The following GNAQ variants were observed in gnomAD, a reference collection of about 807,000 sequenced individuals.
GNAQ encodes the protein G protein subunit alpha q.
Under a neutral mutation model 43.9 loss-of-function variants are expected in GNAQ, and 8 were observed. The ratio of observed to expected loss-of-function variants is 0.18; its 90% confidence interval spans 0.11 to 0.33. GNAQ has a LOEUF of 0.33. GNAQ is among the 10% of genes least tolerant of loss of function. GNAQ has a pLI of 1.00. For synonymous variants in GNAQ, 155 were observed against 170.7 expected (o/e 0.91, Z 0.71); for missense variants, 158 against 450.8 (o/e 0.35, Z 5.88).
chr9:77,739,524 ATAAGAT>A (rs1348343325), intron 5 of GNAQ, among the ~76,000 whole-genome samples: 1 of 152,232 alleles, frequency 6.6e-6, no homozygotes, highest in Non-Finnish European at 1.5e-5. Flanking sequence ...AATGTTTGAA[ATAAGAT>A]TAAAACAGCT....
At chr9:78,004,361 T>A (rs1045089532) in intron 1 of GNAQ, among the ~76,000 whole-genome samples, 20 of 151,740 alleles carry the variant, frequency 1.3e-4, no homozygotes, top group African/African-American at 4.8e-4. Flanking sequence ...ATCACCATTC[T>A]CCGAAGTGGG....
At chr9:77,801,653 C>T (rs1826744261) in intron 3 of GNAQ, among the ~76,000 whole-genome samples, 1 of 152,138 alleles carries the variant, frequency 6.6e-6, no homozygotes, top group South Asian at 2.1e-4. Flanking sequence ...TAACAAAAGA[C>T]AAGACTAAGA....
chr9:77,784,992 G>A (rs1395378925), intron 5 of GNAQ, among the ~76,000 whole-genome samples: 1 of 152,198 alleles, frequency 6.6e-6, no homozygotes. Context: ...TGGTGGGAGT[G>A]CCAACTCTTC....
At chr9:77,727,244 C>T (rs1825411226) in intron 6 of GNAQ, among the ~76,000 whole-genome samples, 1 of 152,130 alleles carries the variant, frequency 6.6e-6, no homozygotes, top group Non-Finnish European at 1.5e-5. Flanking sequence ...GCTTGAACTC[C>T]TGTGCTCAAG....
chr9:77,732,675 T>TAA (rs1409093161), intron 5 of GNAQ, among the ~76,000 whole-genome samples: 1 of 152,090 alleles, frequency 6.6e-6, no homozygotes, highest in African/African-American at 2.4e-5. Context: ...AGGATACTAG[T>TAA]AAAGGTTTTA....
intron 2 of GNAQ, among the ~76,000 whole-genome samples, chr9:77,824,396 T>C (rs1827160714): frequency 6.6e-6 from 1 of 152,200 alleles, no homozygotes; most frequent in South Asian, 2.1e-4. Context: ...ATATCTCAGT[T>C]CAAATATTTT....
At position 78,031,318 on chromosome 9, in the gene GNAQ, G is replaced by C. The variant is rs1824056901; in HGVS notation, c.-83C>G. ...CACACCCTCCCGCCCTCGCTCCCCC[G>C]AGGCAGCGGTGGCCGCCGAGCCCCC... On this transcript the variant is annotated 5_prime_UTR_variant, in exon 1 of 7. Transcript: ENST00000286548. 5.2e-6 allele frequency: 6 copies of C among 1,153,592 alleles called. No homozygotes were observed. Among genetic ancestry groups the C allele is most frequent in the African/African-American group, 1.6e-5 (1 of 62,386 alleles). 71.5% of individuals were successfully genotyped at this position (1,153,592 alleles called of 1,614,324 possible). A position where few individuals can be genotyped will look rare whatever the true frequency, so the allele number is the denominator to read the frequency against.
chr9:77,723,734 T>C (rs752864017), intron 6 of GNAQ, among the ~76,000 whole-genome samples: 1 of 152,166 alleles, frequency 6.6e-6, no homozygotes, highest in Non-Finnish European at 1.5e-5. Context: ...TTAGAATTGG[T>C]AAACTCATAA....
At chr9:77,736,711 G>C (rs1035648116) in intron 5 of GNAQ, among the ~76,000 whole-genome samples, 9 of 152,076 alleles carry the variant, frequency 5.9e-5, no homozygotes, top group African/African-American at 2.2e-4. Flanking sequence ...AAGGAAGACA[G>C]AATGAGAGAC....
At chr9:77,808,077 G>A (rs1395799418) in intron 3 of GNAQ, among the ~76,000 whole-genome samples, 2 of 151,948 alleles carry the variant, frequency 1.3e-5, no homozygotes, top group African/African-American at 4.8e-5. Context: ...CTACAAAGAA[G>A]AGGCCAAACT....
At chr9:77,994,501 C>T (rs1823545208) in intron 1 of GNAQ, among the ~76,000 whole-genome samples, 1 of 152,188 alleles carries the variant, frequency 6.6e-6, no homozygotes, top group Non-Finnish European at 1.5e-5. Flanking sequence ...TACTGGGTTA[C>T]TAGTATCTCA....
intron 1 of GNAQ, among the ~76,000 whole-genome samples, chr9:78,005,142 CACGGGCTCA>C (rs1823690047): frequency 6.6e-6 from 1 of 152,152 alleles, no homozygotes; most frequent in South Asian, 2.1e-4. Flanking sequence ...GCCCTCACCT[CACGGGCTCA>C]AGCGATCCTC....
At chr9:77,867,821 T>C (rs574300673) in intron 2 of GNAQ, among the ~76,000 whole-genome samples, 30 of 152,330 alleles carry the variant, frequency 2.0e-4, no homozygotes, top group Non-Finnish European at 3.8e-4. Context: ...AATCATAGTA[T>C]TATGGAAGAG....
intron 2 of GNAQ, among the ~76,000 whole-genome samples, chr9:77,918,591 C>A (rs1160117080): frequency 6.6e-6 from 1 of 152,146 alleles, no homozygotes; most frequent in African/African-American, 2.4e-5. Context: ...TGAAATCTTT[C>A]ATGAAACATC....
At chr9:77,810,225 T>A (rs539311348) in intron 3 of GNAQ, among the ~76,000 whole-genome samples, 55 of 145,104 alleles carry the variant, frequency 3.8e-4, no homozygotes, top group African/African-American at 1.4e-3. Flanking sequence ...TATCTATCTA[T>A]CTATCTATCT....
intron 5 of GNAQ, among the ~76,000 whole-genome samples, chr9:77,787,408 T>C (rs1038737893): frequency 2.0e-5 from 3 of 152,360 alleles, no homozygotes; most frequent in Admixed American, 1.3e-4. Context: ...CACTGCTGTA[T>C]ATTTTTTGTG....
rs1160134325 is a variant in GNAQ, at chr9:77,897,916, CACTA to C, written c.321+24241_321+24244del. Among the ~76,000 whole-genome samples the C allele has an allele frequency of 8.6e-5, 12 of 138,938 alleles. No individual in the cohort carries two copies. The South Asian group carries it at 9.8e-4, about 11-fold the overall frequency. The allele number at this position is 138,938 out of a possible 152,430, so 91.1% of individuals were successfully genotyped here. On this transcript the variant is annotated intron_variant, in intron 2 of 6. Coordinates refer to ENST00000286548, the MANE Select transcript of GNAQ (RefSeq NM_002072.5). ...CAACAAAAGTTAGTGAACTTTTGTTCACTAACTTTTAAAACACTTTCCCTGGAAA... is the reference window on the plus strand; with the variant it reads ...CAACAAAAGTTAGTGAACTTTTGTTCACTTTTAAAACACTTTCCCTGGAAA...
chr9:77,856,904 G>C (rs1827764124), intron 2 of GNAQ, among the ~76,000 whole-genome samples: 2 of 152,156 alleles, frequency 1.3e-5, no homozygotes, highest in African/African-American at 4.8e-5. Flanking sequence ...ATATTTGTTT[G>C]TTTAGCTGAA....
In GNAQ at chr9:77,795,673, T is replaced by C. The variant is rs373687437; in HGVS notation, c.606-1081A>G. Among the ~76,000 whole-genome samples, 3 of 152,194 alleles carry C rather than the reference T, an allele frequency of 2.0e-5. No homozygotes were observed. In the East Asian group the frequency reaches 5.8e-4, roughly 29 times the overall value. ...AATGCATTCAGGGAGATCCACGTACTATGGACATCAAAGCCAGAATTCTTA... is the reference window on the plus strand; with the variant it reads ...AATGCATTCAGGGAGATCCACGTACCATGGACATCAAAGCCAGAATTCTTA... On this transcript the variant is annotated intron_variant, in intron 4 of 6. Transcript: ENST00000286548.
Sources: gnomAD v4.1 joint callset for allele counts (sites outside exome capture counted in the v4.1 genomes callset) on GRCh38, gnomAD v4.1.1 for gene constraint, MANE v1.5 for transcripts, NCBI Gene and HGNC (gene_info 2026-07-23, HGNC 2026-07-21) for gene names.